Variants in ENTPD1 observed in about 807,000 individuals in gnomAD.
ENTPD1 encodes ectonucleoside triphosphate diphosphohydrolase 1, also known as ATP diphosphohydrolase.
Under a neutral mutation model 57.0 loss-of-function variants are expected in ENTPD1, and 33 were observed. The ratio of observed to expected loss-of-function variants is 0.58; its 90% CI spans 0.44 to 0.77. The LOEUF (loss-of-function observed/expected upper bound fraction) is 0.77. Among genes scored for constraint, ENTPD1 ranks in the 30% least tolerant of loss-of-function variants. The pLI is 0.00. For synonymous variants in ENTPD1, 202 were observed against 218.8 expected (o/e 0.92, Z 0.68); for missense variants, 501 against 603.4 (o/e 0.83, Z 1.78).
At chr10:95,758,785 T>C (rs1429300370) in intron 1 of ENTPD1, among the ~76,000 whole-genome samples, 3 of 152,136 alleles carry the variant, frequency 2.0e-5, no homozygotes, top group African/African-American at 7.2e-5. Flanking sequence ...ATAGCAGTCA[T>C]AGAGGGCCAG....
chr10:95,756,299 A>T lies in ENTPD1; in HGVS notation c.16+44A>T, dbSNP rs1330093069. The T allele has an allele frequency of 2.6e-6, 4 of 1,544,082 alleles. No individual in the cohort carries two copies. In the Admixed American group the frequency reaches 6.1e-5, roughly 23 times the overall value. On this transcript the variant is annotated intron_variant, in intron 1 of 9. Coordinates refer to ENST00000371205, the MANE Select transcript of ENTPD1 (RefSeq NM_001776.6). The stretch of plus-strand genomic sequence containing the variant: ...TGATCTGAATCCTTAAGAAAAAAAA[A>T]ATAGAAGGAAAAATAAAAGCCCAGA...
chr10:95,847,547 T>C lies in ENTPD1; in HGVS notation c.915T>C (p.Phe305=), dbSNP rs749146524. The part of the protein sequence containing the change: ...DLYKTPCTKR[F]EMTLPFQQFE... ...ACAAGACCCCCTGCACCAAGAGATT[T>C]GAGATGACTCTTCCATTCCAGCAGT... The change falls in exon 7 of 10, where the codon TTT becomes TTC. Residue 305 remains phenylalanine (F), a synonymous_variant. Transcript: ENST00000371205. The C allele has an allele frequency of 1.7e-5, 27 of 1,613,998 alleles. No individual in the cohort carries two copies. The highest frequency in any genetic ancestry group is 5.0e-5 in the Admixed American group (3 of 60,008).
At chr10:95,731,634 T>C (rs896982082) in intron 1 of ENTPD1, among the ~76,000 whole-genome samples, 1 of 152,110 alleles carries the variant, frequency 6.6e-6, no homozygotes, top group African/African-American at 2.4e-5. Flanking sequence ...TCTCTTTCTG[T>C]TCCCCTGAGT....
upstream of ENTPD1, among the ~76,000 whole-genome samples, chr10:95,710,768 C>T (rs1217142727): frequency 6.6e-6 from 1 of 151,992 alleles, no homozygotes; most frequent in Non-Finnish European, 1.5e-5. Flanking sequence ...TGTCTATAGT[C>T]CCACATTTTG....
chr10:95,707,026 G>T (rs990975683), upstream of ENTPD1, among the ~76,000 whole-genome samples: 1 of 152,214 alleles, frequency 6.6e-6, no homozygotes, highest in Non-Finnish European at 1.5e-5. Context: ...ACCCGAGGGT[G>T]CAGGCTGCAG....
chr10:95,735,592 T>G (rs1440901870), intron 1 of ENTPD1, among the ~76,000 whole-genome samples: 2 of 152,160 alleles, frequency 1.3e-5, no homozygotes, highest in Admixed American at 6.5e-5. Context: ...ATTTATTTAT[T>G]TGTTTGTTTG....
chr10:95,702,301 C>G, the ENTPD1 span, among the ~76,000 whole-genome samples: 1 of 152,002 alleles, frequency 6.6e-6, no homozygotes, highest in East Asian at 1.9e-4. Context: ...AGACTGAAAC[C>G]TATGAAAATG....
At chr10:95,808,764 C>T (rs2098283464) in intron 1 of ENTPD1, among the ~76,000 whole-genome samples, 1 of 145,942 alleles carries the variant, frequency 6.9e-6, no homozygotes. Flanking sequence ...TTGGGTGTTT[C>T]TCGGAGAGGG....
intron 1 of ENTPD1, among the ~76,000 whole-genome samples, chr10:95,758,157 A>G (rs1194863407): frequency 1.3e-5 from 2 of 151,926 alleles, no homozygotes; most frequent in Non-Finnish European, 2.9e-5. Flanking sequence ...CAGTTCCCCA[A>G]AGGAACTGCA....
chr10:95,761,473 C>T (rs1201993863), intron 1 of ENTPD1, among the ~76,000 whole-genome samples: 1 of 152,186 alleles, frequency 6.6e-6, no homozygotes, highest in Non-Finnish European at 1.5e-5. Flanking sequence ...ATGCCTTAGT[C>T]TCAGGGCTTA....
chr10:95,721,456 G>T (rs1439626846), intron 1 of ENTPD1, among the ~76,000 whole-genome samples: 1 of 152,208 alleles, frequency 6.6e-6, no homozygotes, highest in South Asian at 2.1e-4. Context: ...CTCATTTGGG[G>T]TTAGTGTCTG....
intron 1 of ENTPD1, among the ~76,000 whole-genome samples, chr10:95,747,773 A>C (rs992002440): frequency 2.6e-5 from 4 of 152,212 alleles, no homozygotes; most frequent in African/African-American, 9.6e-5. Context: ...CACAACAGAC[A>C]AATTGCATGG....
At chr10:95,840,673 C>A (rs1037336148) in intron 3 of ENTPD1, among the ~76,000 whole-genome samples, 1 of 152,208 alleles carries the variant, frequency 6.6e-6, no homozygotes, top group Non-Finnish European at 1.5e-5. Context: ...TGAGCTGCTG[C>A]ATTATATATC....
chr10:95,830,439 A>G (rs1221223105), intron 2 of ENTPD1, among the ~76,000 whole-genome samples: 2 of 152,146 alleles, frequency 1.3e-5, no homozygotes, highest in Non-Finnish European at 2.9e-5. Context: ...GAGCTTTTCA[A>G]AAATATGGCT....
chr10:95,850,599 A>G (rs1489383289), intron 7 of ENTPD1, among the ~76,000 whole-genome samples: 12 of 152,174 alleles, frequency 7.9e-5, no homozygotes, highest in Non-Finnish European at 1.5e-5. Flanking sequence ...CAACATATCA[A>G]CTGGCTCACA....
At chr10:95,757,389 G>A (rs947471225) in intron 1 of ENTPD1, among the ~76,000 whole-genome samples, 1 of 152,108 alleles carries the variant, frequency 6.6e-6, no homozygotes, top group Non-Finnish European at 1.5e-5. Flanking sequence ...TAAGGGCTGA[G>A]TGTGGATGGA....
chr10:95,844,894 A>T lies in ENTPD1; in HGVS notation c.573+259A>T, dbSNP rs3176884. The T allele has an allele frequency of 0.29, 157,088 of 543,056 alleles. 25,259 individuals carry two copies. The highest frequency in any genetic ancestry group is 0.4 in the Admixed American group (13,155 of 32,542). The allele number at this position is 543,056 out of a possible 1,614,324, so 33.6% of individuals were successfully genotyped here. On this transcript the variant is annotated intron_variant, in intron 5 of 9. Coordinates refer to ENST00000371205, the MANE Select transcript of ENTPD1 (RefSeq NM_001776.6). ...GCATAAAGGAAATTAAAAATTTATCATTAAAAATTAGAATAGCTAACATTT... is the reference window on the plus strand; with the variant it reads ...GCATAAAGGAAATTAAAAATTTATCTTTAAAAATTAGAATAGCTAACATTT...
intron 1 of ENTPD1, among the ~76,000 whole-genome samples, chr10:95,745,175 CT>C (rs910936053): frequency 1.6e-4 from 25 of 152,168 alleles, no homozygotes; most frequent in African/African-American, 5.5e-4. Flanking sequence ...TAACATCTTA[CT>C]TTTTTTAAAT....
chr10:95,788,615 CA>C (rs967333815), intron 1 of ENTPD1, among the ~76,000 whole-genome samples: 3 of 118,114 alleles, frequency 2.5e-5, no homozygotes, highest in Non-Finnish European at 5.3e-5. Flanking sequence ...AGACTCTGTC[CA>C]AAAAAAAAGA....
Sources: allele counts gnomAD v4.1 joint callset (sites outside exome capture counted in the v4.1 genomes callset), GRCh38; gene constraint gnomAD v4.1.1; transcripts MANE v1.5; gene names NCBI Gene and HGNC (gene_info 2026-07-23, HGNC 2026-07-21).